Variants in TNRC6B observed in about 807,000 individuals in gnomAD.
TNRC6B encodes the protein trinucleotide repeat-containing gene 6B protein.
Under a neutral mutation model 203.6 loss-of-function variants are expected in TNRC6B, and 52 were observed. The observed-to-expected ratio is 0.26, with a 90% CI of 0.20 to 0.32. The LOEUF is 0.32. Among genes scored for constraint, TNRC6B ranks in the 10% least tolerant of loss-of-function variants. The probability of loss-of-function intolerance (pLI) is 1.00; values close to 1 mark genes in which losing one functional copy is unlikely to be tolerated. For missense variants in TNRC6B, 1,923 were observed against 2,286.2 expected (o/e 0.84, Z 3.24); for synonymous variants, 838 against 845.7 (o/e 0.99, Z 0.16).
At chr22:40,118,422 A>C (rs550358954) in intron 2 of TNRC6B, among the ~76,000 whole-genome samples, 10 of 152,348 alleles carry the variant, frequency 6.6e-5, no homozygotes, top group Middle Eastern at 3.4e-3. Flanking sequence ...AAAGTTAAAT[A>C]ACTTGCCCAA....
intron 4 of TNRC6B, among the ~76,000 whole-genome samples, chr22:40,168,562 A>G (rs139929553): frequency 5.5e-4 from 84 of 152,350 alleles, no homozygotes; most frequent in African/African-American, 2.0e-3. Context: ...TAACTTAAAT[A>G]GTATAAATGT....
At chr22:40,230,536 C>T (rs1364140178) in intron 1 of TNRC6B, among the ~76,000 whole-genome samples, 1 of 152,086 alleles carries the variant, frequency 6.6e-6, no homozygotes, top group East Asian at 1.9e-4. Context: ...AAGTGATCCA[C>T]TCACATCGGC....
chr22:40,224,511 T>C (rs927981560), intron 1 of TNRC6B, among the ~76,000 whole-genome samples: 12 of 152,208 alleles, frequency 7.9e-5, no homozygotes, highest in Non-Finnish European at 1.5e-4. Flanking sequence ...TGCTGATTTT[T>C]TTCCCCCAGC....
At chr22:40,117,539 T>G (rs1042298114) in intron 2 of TNRC6B, among the ~76,000 whole-genome samples, 3 of 152,252 alleles carry the variant, frequency 2.0e-5, no homozygotes, top group Non-Finnish European at 2.9e-5. Flanking sequence ...GCTGCAGATG[T>G]TGTCCCACAG....
intron 1 of TNRC6B, among the ~76,000 whole-genome samples, chr22:40,231,436 A>G (rs2069868480): frequency 6.6e-6 from 1 of 152,196 alleles, no homozygotes; most frequent in African/African-American, 2.4e-5. Flanking sequence ...AATGTTTTGT[A>G]GTTTTCAGTG....
intron 1 of TNRC6B, among the ~76,000 whole-genome samples, chr22:40,088,642 A>C (rs1338712234): frequency 1.5e-5 from 2 of 129,398 alleles, no homozygotes; most frequent in Non-Finnish European, 3.4e-5. Context: ...TTTAGTAGAG[A>C]CGGGGCTTCA....
intron 3 of TNRC6B, among the ~76,000 whole-genome samples, chr22:40,255,602 A>G (rs2070263154): frequency 6.6e-6 from 1 of 152,220 alleles, no homozygotes; most frequent in Non-Finnish European, 1.5e-5. Context: ...GTGAGGTATT[A>G]CAAGACATGT....
At chr22:40,047,137 A>G (rs1466171522) in intron 1 of TNRC6B, among the ~76,000 whole-genome samples, 10 of 152,144 alleles carry the variant, frequency 6.6e-5, no homozygotes, top group Admixed American at 2.0e-4. Flanking sequence ...CCACACAGCT[A>G]TGCAGTTCCA....
intron 1 of TNRC6B, among the ~76,000 whole-genome samples, chr22:40,178,737 C>T (rs2069097128): frequency 1.3e-5 from 2 of 152,070 alleles, no homozygotes; most frequent in Admixed American, 6.6e-5. Flanking sequence ...GCTTGAAAAC[C>T]TCCCAAGCAA....
At chr22:40,242,919 G>T (rs986234681) in intron 1 of TNRC6B, among the ~76,000 whole-genome samples, 2 of 151,758 alleles carry the variant, frequency 1.3e-5, no homozygotes, top group Non-Finnish European at 2.9e-5. Flanking sequence ...ACCCAGGCTG[G>T]AGTGCAGTGG....
intron 4 of TNRC6B, among the ~76,000 whole-genome samples, chr22:40,158,797 C>T (rs1343472104): frequency 6.6e-6 from 1 of 152,208 alleles, no homozygotes; most frequent in Non-Finnish European, 1.5e-5. Context: ...AATCAGTCGT[C>T]TCACAAGGTG....
chr22:40,272,014 C>T (rs1003639448), intron 6 of TNRC6B, among the ~76,000 whole-genome samples: 2 of 152,112 alleles, frequency 1.3e-5, no homozygotes, highest in East Asian at 1.9e-4. Flanking sequence ...GAAAGGTTCA[C>T]TTGCATGTCT....
chr22:40,080,081 C>T (rs2068052324), intron 1 of TNRC6B, among the ~76,000 whole-genome samples: 1 of 150,404 alleles, frequency 6.6e-6, no homozygotes, highest in Non-Finnish European at 1.5e-5. Context: ...AGACGTGAGC[C>T]ACCGTGCCTG....
intron 9 of TNRC6B, among the ~76,000 whole-genome samples, chr22:40,279,104 G>T (rs756512021): frequency 6.6e-6 from 1 of 152,288 alleles, no homozygotes; most frequent in Admixed American, 6.5e-5. Context: ...CAAACAAATT[G>T]TGTGCCAGAT....
intron 2 of TNRC6B, among the ~76,000 whole-genome samples, chr22:40,117,761 ATCT>A (rs1160244577): frequency 1.3e-5 from 2 of 151,834 alleles, no homozygotes. Flanking sequence ...TTTTCCTGTT[ATCT>A]TCTTCTCCCA....
intron 1 of TNRC6B, among the ~76,000 whole-genome samples, chr22:40,071,659 A>C (rs1349792994): frequency 6.6e-6 from 1 of 152,132 alleles, no homozygotes; most frequent in Non-Finnish European, 1.5e-5. Flanking sequence ...ACCCTTTTAA[A>C]ATAATTTTTT....
chr22:40,230,522 C>T lies in TNRC6B; in HGVS notation c.6-15493C>T, dbSNP rs1428876321. Among the ~76,000 whole-genome samples the T allele has an allele frequency of 3.3e-5, 5 of 151,954 alleles. No individual in the cohort carries two copies. In the East Asian group the frequency reaches 9.6e-4, roughly 29 times the overall value. On this transcript the variant is annotated intron_variant, in intron 1 of 22. Coordinates refer to ENST00000454349, the MANE Select transcript of TNRC6B (RefSeq NM_001162501.2). ...GGCCAGACTGATCTCGAACTCCTGA[C>T]CTCAAGTGATCCACTCACATCGGCC...
At chr22:40,095,047 G>C (rs1190143462) in intron 1 of TNRC6B, among the ~76,000 whole-genome samples, 6 of 152,124 alleles carry the variant, frequency 3.9e-5, no homozygotes, top group Non-Finnish European at 7.3e-5. Context: ...GCTAGCTAGA[G>C]TGTTGTCGTT....
At chr22:40,140,453 C>T (rs1219123273) in intron 3 of TNRC6B, among the ~76,000 whole-genome samples, 1 of 152,068 alleles carries the variant, frequency 6.6e-6, no homozygotes, top group African/African-American at 2.4e-5. Flanking sequence ...CTGGAGCAAC[C>T]ATCTTAAAAC....
Sources: allele counts gnomAD v4.1 joint callset (sites outside exome capture counted in the v4.1 genomes callset), GRCh38; gene constraint gnomAD v4.1.1; transcripts MANE v1.5; gene names NCBI Gene and HGNC (gene_info 2026-07-23, HGNC 2026-07-21).